The following MCF2L2 variants were observed in gnomAD, a reference collection of about 807,000 sequenced individuals.
The protein encoded by MCF2L2 is probable guanine nucleotide exchange factor MCF2L2.
Under a neutral mutation model 150.2 loss-of-function variants are expected in MCF2L2, and 102 were observed. That is an observed-to-expected ratio of 0.68 (90% CI 0.58 to 0.80). MCF2L2 has a LOEUF of 0.80. Among genes scored for constraint, MCF2L2 ranks in the 30% least tolerant of loss-of-function variants. The probability of loss-of-function intolerance (pLI) is 0.00; values close to 1 mark genes in which losing one functional copy is unlikely to be tolerated. For synonymous variants in MCF2L2, 465 were observed against 491.3 expected (o/e 0.95, Z 0.71); for missense variants, 1,256 against 1,372.8 (o/e 0.91, Z 1.34).
chr3:183,195,966 G>T (rs543107305), intron 25 of MCF2L2, among the ~76,000 whole-genome samples: 155 of 152,284 alleles, frequency 1.0e-3, no homozygotes, highest in African/African-American at 3.6e-3. Flanking sequence ...CGGGACTGAG[G>T]CTTTGCCTTG....
chr3:183,202,583 G>T (rs1228190804), intron 25 of MCF2L2, among the ~76,000 whole-genome samples: 1 of 152,230 alleles, frequency 6.6e-6, no homozygotes, highest in Non-Finnish European at 1.5e-5. Flanking sequence ...TGTGCACACA[G>T]AGCCCCTTGG....
chr3:183,323,691 G>A (rs1177022876), intron 5 of MCF2L2, among the ~76,000 whole-genome samples: 1 of 151,862 alleles, frequency 6.6e-6, no homozygotes, highest in African/African-American at 2.4e-5. Flanking sequence ...CCAGCTACTT[G>A]GGTGGCTAAG....
At chr3:183,363,779 C>G (rs374962858) in intron 3 of MCF2L2, among the ~76,000 whole-genome samples, 1 of 151,708 alleles carries the variant, frequency 6.6e-6, no homozygotes, top group Non-Finnish European at 1.5e-5. Context: ...ACTTTAAGTA[C>G]AAGACAGAGC....
chr3:183,189,253 C>G (rs1168638586), intron 27 of MCF2L2, among the ~76,000 whole-genome samples: 1 of 152,214 alleles, frequency 6.6e-6, no homozygotes, highest in Non-Finnish European at 1.5e-5. Context: ...AGGAAGTGCA[C>G]TAACTGGACT....
chr3:183,364,398 T>C (rs1481590261), intron 3 of MCF2L2, among the ~76,000 whole-genome samples: 1 of 152,160 alleles, frequency 6.6e-6, no homozygotes, highest in Middle Eastern at 3.4e-3. Flanking sequence ...TGGGTGCCTG[T>C]AGTCCCAGCT....
chr3:183,180,307 G>A (rs1721474753), intron 27 of MCF2L2, 148 bp from the exon 28 acceptor site: 1 of 616,252 alleles, frequency 1.6e-6, no homozygotes, highest in Non-Finnish European at 2.9e-6. Flanking sequence ...ACTGCGCTGG[G>A]CTGTGAGGGG....
At chr3:183,193,618 G>T (rs1007398997) in intron 26 of MCF2L2, among the ~76,000 whole-genome samples, 4 of 152,108 alleles carry the variant, frequency 2.6e-5, no homozygotes, top group Non-Finnish European at 5.9e-5. Context: ...CAAAGTGCTG[G>T]GATTACATGG....
At chr3:183,371,396 T>C (rs1712867411) in intron 3 of MCF2L2, among the ~76,000 whole-genome samples, 1 of 151,250 alleles carries the variant, frequency 6.6e-6, no homozygotes, top group Admixed American at 6.6e-5. Context: ...ACTCCACGGG[T>C]GAGGGGGGTT....
intron 3 of MCF2L2, among the ~76,000 whole-genome samples, chr3:183,351,234 ATATTTATTTATTTATT>A (rs1187202933): frequency 3.3e-5 from 2 of 60,464 alleles, no homozygotes; most frequent in African/African-American, 1.7e-4. Flanking sequence ...ATATATATAT[ATATTTATTTATTTATT>A]TATCAGAACC....
chr3:183,253,784 G>T (rs960032487), intron 15 of MCF2L2: 2 of 152,292 alleles, frequency 1.3e-5, no homozygotes, highest in Non-Finnish European at 2.9e-5. Context: ...TCCGCCTCTT[G>T]GCGGAGCGCC....
chr3:183,218,656 T>A (rs1723035298), intron 21 of MCF2L2, among the ~76,000 whole-genome samples: 1 of 151,256 alleles, frequency 6.6e-6, no homozygotes, highest in South Asian at 2.1e-4. Flanking sequence ...AAATAAGAAA[T>A]AATTTTTTTT....
chr3:183,289,092 T>G (rs1288203460), intron 14 of MCF2L2, 28 bp downstream of exon 14: 3 of 1,454,454 alleles, frequency 2.1e-6, no homozygotes, highest in Non-Finnish European at 2.9e-6. Context: ...GTCAGGAAGT[T>G]CTATAAGTAA....
At chr3:183,330,104 G>T (rs1357172229) in intron 5 of MCF2L2, among the ~76,000 whole-genome samples, 1 of 151,480 alleles carries the variant, frequency 6.6e-6, no homozygotes, top group Non-Finnish European at 1.5e-5. Flanking sequence ...AATCAGCCGG[G>T]CATGGTGGTG....
chr3:183,311,797 T>C, intron 7 of MCF2L2, 25 bp from the exon 8 acceptor site: 2 of 1,599,996 alleles, frequency 1.3e-6, no homozygotes, highest in Non-Finnish European at 1.7e-6. Flanking sequence ...TAGTCTCTCT[T>C]AGAACGAATT....
chr3:183,271,048 G>T, intron 15 of MCF2L2: 1 of 988,716 alleles, frequency 1.0e-6, no homozygotes, highest in South Asian at 2.0e-5. Flanking sequence ...CAAATATTTT[G>T]AAAGCCTAGT....
At chr3:183,269,229 G>GGTTTTTTTTTTTTTTTT (rs1305607255) in intron 15 of MCF2L2, among the ~76,000 whole-genome samples, 1 of 77,022 alleles carries the variant, frequency 1.3e-5, no homozygotes, top group Non-Finnish European at 2.2e-5. Flanking sequence ...CGTTTGGGAA[G>GGTTTTTTTTTTTTTTTT]CTTTTTTTTT....
rs1165241760 is a variant in MCF2L2, at chr3:183,215,784, T to G, written c.2496+185A>C. ...CCCTGAGGAATAAATCCAAGATTCC[T>G]GAAGATGCCAAGGGACAGCTTGGAA... On this transcript the variant is annotated intron_variant, in intron 22 of 29. Transcript: ENST00000328913. Among the ~76,000 whole-genome samples the G allele has an allele frequency of 2.6e-5, 4 of 152,234 alleles. No homozygotes were observed. In the East Asian group the frequency reaches 7.7e-4, roughly 29 times the overall value.
intron 15 of MCF2L2, among the ~76,000 whole-genome samples, chr3:183,264,778 T>G (rs530864629): frequency 3.6e-4 from 55 of 152,318 alleles, no homozygotes; most frequent in African/African-American, 1.3e-3. Context: ...CTTGTAGCCT[T>G]TGGGTGTTCT....
chr3:183,386,213 A>C (rs184159375), intron 2 of MCF2L2, among the ~76,000 whole-genome samples: 2 of 152,300 alleles, frequency 1.3e-5, no homozygotes, highest in Non-Finnish European at 2.9e-5. Context: ...TGAACCCAGA[A>C]TTGTCTGGGT....
Sources: gnomAD v4.1 joint callset for allele counts (sites outside exome capture counted in the v4.1 genomes callset) on GRCh38, gnomAD v4.1.1 for gene constraint, MANE v1.5 for transcripts, NCBI Gene and HGNC (gene_info 2026-07-23, HGNC 2026-07-21) for gene names.